The following HINT1 variants were observed in gnomAD, a reference collection of about 807,000 sequenced individuals.
HINT1 encodes the protein adenosine 5'-monophosphoramidase HINT1.
In HINT1, 12 loss-of-function variants were observed where a neutral mutation model predicts 11.2. That is an observed-to-expected ratio of 1.07 (90% CI 0.69 to 1.74). The LOEUF is 1.74. Ranked by LOEUF, HINT1 falls within the 40% of genes most tolerant of loss-of-function variation. HINT1 has a pLI of 0.00. For missense variants in HINT1, 150 were observed against 161.8 expected (o/e 0.93, Z 0.40); for synonymous variants, 42 against 52.6 (o/e 0.80, Z 0.87).
rs1026492879 is a variant in HINT1 at position 131,162,730 on chromosome 5, T to C, written c.112-54A>G. On this transcript the variant is annotated intron_variant, in intron 1 of 2. Transcript: ENST00000304043. ...TCAAACTTTTAGTATATTGGTAGGATAAAACTTATTTCAACAAGTATTTAC... is the reference window on the plus strand; with the variant it reads ...TCAAACTTTTAGTATATTGGTAGGACAAAACTTATTTCAACAAGTATTTAC... 5 of 1,183,864 alleles carry C rather than the reference T, an allele frequency of 4.2e-6. No homozygotes were observed. The African/African-American group carries it at 7.7e-5, about 18-fold the overall frequency. 73.3% of individuals were successfully genotyped at this position (1,183,864 alleles called of 1,614,324 possible). A position where few individuals can be genotyped will look rare whatever the true frequency, so the allele number is the denominator to read the frequency against.
intron 2 of HINT1, among the ~76,000 whole-genome samples, chr5:131,161,354 A>G (rs1226750037): frequency 6.6e-6 from 1 of 152,180 alleles, no homozygotes; most frequent in Non-Finnish European, 1.5e-5. Context: ...CTGTAATCCC[A>G]GCACTTTGGA....
chr5:131,161,508 T>C (rs1755246271), intron 2 of HINT1, among the ~76,000 whole-genome samples: 1 of 150,676 alleles, frequency 6.6e-6, no homozygotes, highest in African/African-American at 2.5e-5. Context: ...GGCAGGGGAA[T>C]CGCTTGTACC....
chr5:131,164,130 T>G (rs1008640501), intron 1 of HINT1, among the ~76,000 whole-genome samples: 4 of 152,204 alleles, frequency 2.6e-5, no homozygotes, highest in Non-Finnish European at 5.9e-5. Flanking sequence ...GTAGAATAAA[T>G]GTTTTTCTTA....
chr5:131,164,184 G>A (rs1222573825), intron 1 of HINT1, among the ~76,000 whole-genome samples: 1 of 151,818 alleles, frequency 6.6e-6, no homozygotes, highest in African/African-American at 2.4e-5. Context: ...TACAAAATTT[G>A]TTCTATCTAA....
chr5:131,160,796 C>T (rs561773894), intron 2 of HINT1: 42 of 514,768 alleles, frequency 8.2e-5, no homozygotes, highest in African/African-American at 7.4e-4. Context: ...GATCCTTTTC[C>T]AGACTGGTGA....
chr5:131,159,711 A>G lies in HINT1; in HGVS notation c.217-100T>C, dbSNP rs1247873059. The G allele has an allele frequency of 3.7e-6, 4 of 1,091,550 alleles. No homozygotes were observed. The African/African-American group carries it at 6.3e-5, about 17-fold the overall frequency. 67.6% of individuals were successfully genotyped at this position (1,091,550 alleles called of 1,614,324 possible). On this transcript the variant is annotated intron_variant, in intron 2 of 2. Transcript: ENST00000304043. ...TGAAATATCAAATCTTAAAACTCTC[A>G]TTGAAACACAACCCTTTGAGCAAAT...
intron 1 of HINT1, among the ~76,000 whole-genome samples, chr5:131,164,638 G>C (rs1334698707): frequency 2.6e-5 from 4 of 152,182 alleles, no homozygotes; most frequent in African/African-American, 9.6e-5. Flanking sequence ...CAGGAACGCC[G>C]GGCCCTGGCA....
intron 2 of HINT1, among the ~76,000 whole-genome samples, chr5:131,161,130 T>C (rs1006913568): frequency 6.6e-6 from 1 of 152,200 alleles, no homozygotes. Context: ...GCTGGTTCAG[T>C]AAACGTTTCC....
In HINT1 at chr5:131,162,606, G is replaced by A. The variant is rs1580684630; in HGVS notation, c.182C>T (p.Ser61Phe). 2 of 1,613,334 alleles carry A rather than the reference G, an allele frequency of 1.2e-6. No homozygotes were observed. The highest frequency in any genetic ancestry group is 1.7e-6 in the Non-Finnish European group (2 of 1,179,298). Residue 61 changes from serine (S) to phenylalanine (F), a missense_variant, in exon 2 of 3, where the codon TCC becomes TTC. By Grantham distance (155) the Ser-to-Phe change is radical (BLOSUM62 -2). Transcript: ENST00000304043. ...ATCATCTTCTGCCACAGAAATCTGG[G>A]ATATATGTTTCTTGGGTATCACCAG... is the stretch of plus-strand genomic sequence containing the variant. The part of the protein sequence containing the change: ...HFLVIPKKHI[S>F]QISVAEDDDE...
chr5:131,165,080 G>A lies in HINT1; in HGVS notation c.111+15C>T, dbSNP rs781517064. Reference sequence around the variant, plus strand: ...CCCACCTCAGCAGGCGAGAGAGGTGGTGCCCAGTACCTACCCGGTCATCCT... The same window carrying A: ...CCCACCTCAGCAGGCGAGAGAGGTGATGCCCAGTACCTACCCGGTCATCCT... On this transcript the variant is annotated intron_variant, in intron 1 of 2. Transcript: ENST00000304043. 2 of 1,613,534 alleles carry A rather than the reference G, an allele frequency of 1.2e-6. No individual in the cohort carries two copies. The highest frequency in any genetic ancestry group is 1.7e-5 in the Admixed American group (1 of 60,018).
In HINT1 at chr5:131,162,676, A is replaced by G. The variant is rs762701283; in HGVS notation, c.112T>C (p.Cys38Arg). Residue 38 changes from cysteine (C) to arginine (R), a missense_variant and splice_region_variant, in exon 2 of 3, where the codon TGC (cysteine) becomes CGC (arginine). By Grantham distance (180) the Cys-to-Arg change is radical. Transcript: ENST00000304043. ...GGGGAAATGTCATGGAAAGCAAGGCACTAGGGAAAAGAGAAATAAATAAAT... is the reference window on the plus strand; with the variant it reads ...GGGGAAATGTCATGGAAAGCAAGGCGCTAGGGAAAAGAGAAATAAATAAAT... ...PAKIIFEDDR[C>R]LAFHDISPQA... The G allele has an allele frequency of 1.3e-6, 2 of 1,577,182 alleles. No homozygotes were observed. Among genetic ancestry groups the G allele is most frequent in the East Asian group, 2.2e-5 (1 of 44,690 alleles).
intron 2 of HINT1, chr5:131,162,309 A>G: frequency 1.4e-6 from 1 of 692,010 alleles, no homozygotes. Flanking sequence ...ACAGAGCAAG[A>G]CTCTGTCTCA....
At chr5:131,165,027 C>T (rs1755360668) in intron 1 of HINT1, 68 bp downstream of exon 1, 1 of 1,603,470 alleles carries the variant, frequency 6.2e-7, no homozygotes, top group African/African-American at 1.3e-5. Flanking sequence ...TCTCCCTCCG[C>T]GAGAAACCCG....
chr5:131,162,367 AGC>A, intron 2 of HINT1: 1 of 985,440 alleles, frequency 1.0e-6, no homozygotes, highest in Non-Finnish European at 1.6e-6. Context: ...GATACGGAGA[AGC>A]TGGAACGCTC....
At chr5:131,165,046 C>T in intron 1 of HINT1, 49 bp downstream of exon 1, 7 of 1,611,088 alleles carry the variant, frequency 4.3e-6, no homozygotes, top group South Asian at 1.1e-5. Flanking sequence ...CGAGGATCCG[C>T]GGACGATACC....
chr5:131,164,848 A>C (rs1755353105), intron 1 of HINT1, among the ~76,000 whole-genome samples: 1 of 151,720 alleles, frequency 6.6e-6, no homozygotes, highest in Non-Finnish European at 1.5e-5. Context: ...TGCGGCACTC[A>C]GGGCGCCCGG....
At chr5:131,160,933 T>G in intron 2 of HINT1, 1 of 425,906 alleles carries the variant, frequency 2.3e-6, no homozygotes, top group Admixed American at 2.6e-5. Flanking sequence ...TAGACTAGGC[T>G]AGGCTATAAT....
intron 1 of HINT1, 46 bp downstream of exon 1, chr5:131,165,049 A>G: frequency 6.2e-7 from 1 of 1,611,692 alleles, no homozygotes; most frequent in South Asian, 1.1e-5. Flanking sequence ...GGATCCGCGG[A>G]CGATACCCAC....
intron 2 of HINT1, among the ~76,000 whole-genome samples, chr5:131,160,342 GT>G (rs1755218924): frequency 6.6e-6 from 1 of 152,086 alleles, no homozygotes; most frequent in South Asian, 2.1e-4. Context: ...CATCCTGTTT[GT>G]TTTTTGGTTC....
Sources: allele counts gnomAD v4.1 joint callset (sites outside exome capture counted in the v4.1 genomes callset), GRCh38; gene constraint gnomAD v4.1.1; transcripts MANE v1.5; gene names NCBI Gene and HGNC (gene_info 2026-07-23, HGNC 2026-07-21).